The following ARL2BP variants were observed in gnomAD, a reference collection of about 807,000 sequenced individuals.
ARL2BP encodes the protein ADP-ribosylation factor-like protein 2-binding protein.
In ARL2BP, 19 loss-of-function variants were observed where a neutral mutation model predicts 24.2. The observed-to-expected ratio is 0.79, with a 90% CI of 0.55 to 1.15. The LOEUF (loss-of-function observed/expected upper bound fraction) is 1.15. ARL2BP is among the 50% of genes most tolerant of loss of function. ARL2BP has a pLI of 0.00. For synonymous variants in ARL2BP, 56 were observed against 70.5 expected, an observed-to-expected ratio of 0.79 and a Z score of 1.03; for missense variants, 160 against 190.4, an observed-to-expected ratio of 0.84 and a Z score of 0.94.
intron 2 of ARL2BP, among the ~76,000 whole-genome samples, chr16:57,246,550 C>T (rs905279960): frequency 6.6e-6 from 1 of 152,136 alleles, no homozygotes; most frequent in African/African-American, 2.4e-5. Flanking sequence ...CGCCTGTAAT[C>T]CCAGCACTTT....
At chr16:57,247,995 A>AC in intron 2 of ARL2BP, among the ~76,000 whole-genome samples, 1 of 152,214 alleles carries the variant, frequency 6.6e-6, no homozygotes, top group East Asian at 1.9e-4. Context: ...TGATAAAAAA[A>AC]AATTGTATAT....
intron 1 of ARL2BP, 122 bp from the exon 2 acceptor site, chr16:57,245,958 G>C (rs888020316): frequency 1.2e-5 from 10 of 860,276 alleles, no homozygotes; most frequent in South Asian, 3.0e-5. Flanking sequence ...CGTTGAAGAT[G>C]GGTGATGGGA....
rs1225583805 is a variant in ARL2BP, at chr16:57,248,333, A to AG, written c.101-204_101-203insG. The AG allele has an allele frequency of 1.7e-3, 407 of 236,540 alleles. 1 individual carries two copies. Among genetic ancestry groups the AG allele is most frequent in the African/African-American group, 8.7e-3 (358 of 41,312 alleles). The allele number at this position is 236,540 out of a possible 1,614,324, so 14.7% of individuals were successfully genotyped here. On this transcript the variant is annotated intron_variant, in intron 2 of 5. Transcript: ENST00000219204. ...GCTCAAAAAAAAAAAAAAAAAAAAA[A>AG]AAAGAAAGAAAGAAAAAGAAAACAG... is the stretch of plus-strand genomic sequence containing the variant.
At chr16:57,249,690 G>C in intron 3 of ARL2BP, 77 bp from the exon 4 acceptor site, 2 of 1,180,008 alleles carry the variant, frequency 1.7e-6, no homozygotes, top group Non-Finnish European at 2.5e-6. Context: ...TGTTTAGAAA[G>C]GGCTGGGCAG....
chr16:57,249,825 A>G lies in ARL2BP; in HGVS notation c.266A>G (p.Asn89Ser), dbSNP rs1273816365. Residue 89 changes from asparagine (N) to serine (S), a missense_variant, in exon 4 of 6, where the codon AAC (asparagine) becomes AGC (serine). By Grantham distance (46) the Asn-to-Ser change is conservative (BLOSUM62 1). Transcript: ENST00000219204. ...CTGCTGCAGCGGATTCCTGAGTTCA[A>G]CATGGCAGCCTTCACCACAACATTA... is the stretch of plus-strand genomic sequence containing the variant. ...EQLLQRIPEF[N>S]MAAFTTTLQH... 1.2e-6 allele frequency: 2 copies of G among 1,614,242 alleles called. No individual in the cohort carries two copies. Among genetic ancestry groups the G allele is most frequent in the Non-Finnish European group, 1.7e-6 (2 of 1,180,038 alleles).
Position 57,248,659 on chromosome 16 carries a change from T to C in ARL2BP, c.207+16T>C. On this transcript the variant is annotated intron_variant, in intron 3 of 5. Transcript: ENST00000219204. ...TAATGAATACGTAAGTAGATTTCTA[T>C]GTCTCCTACCAGGAGGTCAGAGTTT... 6.9e-7 allele frequency: 1 copy of C among 1,448,596 alleles called. No homozygotes were observed. Among genetic ancestry groups the C allele is most frequent in the Non-Finnish European group, 9.4e-7 (1 of 1,059,378 alleles). 89.7% of individuals were successfully genotyped at this position (1,448,596 alleles called of 1,614,324 possible). A position where few individuals can be genotyped will look rare whatever the true frequency, so the allele number is the denominator to read the frequency against.
intron 1 of ARL2BP, among the ~76,000 whole-genome samples, chr16:57,245,636 C>G (rs1345119678): frequency 6.6e-6 from 1 of 152,106 alleles, no homozygotes; most frequent in East Asian, 1.9e-4. Flanking sequence ...CACCGTTGAT[C>G]AGCGCCTCCA....
In ARL2BP at chr16:57,252,519, GTC is replaced by G; in HGVS notation, c.*253_*254del. 3.4e-6 allele frequency: 2 copies of G among 582,696 alleles called. No individual in the cohort carries two copies. Among genetic ancestry groups the G allele is most frequent in the Non-Finnish European group, 5.8e-6 (2 of 346,868 alleles). The allele number at this position is 582,696 out of a possible 1,614,324, so 36.1% of individuals were successfully genotyped here. ...AGACACCTCTCTCAGGAGCTTCTGA[GTC>G]AGACGCCTCTGGAGCGAGCCCTATG... is the stretch of plus-strand genomic sequence containing the variant. On this transcript the variant is annotated 3_prime_UTR_variant, in exon 6 of 6. Transcript: ENST00000219204.
Position 57,246,164 on chromosome 16 carries a change from T to G in ARL2BP, c.100+23T>G, listed in dbSNP as rs113676384. 24 of 1,603,882 alleles carry G rather than the reference T, an allele frequency of 1.5e-5. No homozygotes were observed. In the African/African-American group the frequency reaches 1.9e-4, roughly 13 times the overall value. On this transcript the variant is annotated intron_variant, in intron 2 of 5. Transcript: ENST00000219204. ...TGGGTAAGCTTTTAAGATACTGTTT[T>G]TAAGGACTTGCTTGTTTCTTTAAGG...
In ARL2BP at chr16:57,252,493, T is replaced by G; in HGVS notation, c.*226T>G. 1 of 704,334 alleles carries G rather than the reference T, an allele frequency of 1.4e-6. No homozygotes were observed. The highest frequency in any genetic ancestry group is 1.9e-5 in the South Asian group (1 of 53,174). The allele number at this position is 704,334 out of a possible 1,614,324, so 43.6% of individuals were successfully genotyped here. On this transcript the variant is annotated 3_prime_UTR_variant, in exon 6 of 6. Transcript: ENST00000219204. ...CCATAGTACTCCTCCCCACCTCAAG[T>G]AGACACCTCTCTCAGGAGCTTCTGA... is the stretch of plus-strand genomic sequence containing the variant.
At chr16:57,250,558 C>A in intron 5 of ARL2BP, 51 bp downstream of exon 5, 1 of 1,489,924 alleles carries the variant, frequency 6.7e-7, no homozygotes, top group Non-Finnish European at 9.4e-7. Flanking sequence ...TTAGAAAATT[C>A]CAGGTAGAAA....
rs1432511090 is a variant in ARL2BP, at chr16:57,252,429, G to A, written c.*162G>A. The stretch of plus-strand genomic sequence containing the variant: ...AAAACCAAAATGACCTAACCCTCCT[G>A]GACCTATTTATCCTGAAACACCTTC... On this transcript the variant is annotated 3_prime_UTR_variant, in exon 6 of 6. Coordinates refer to ENST00000219204, the MANE Select transcript of ARL2BP (RefSeq NM_012106.4). 1 of 1,339,342 alleles carries A rather than the reference G, an allele frequency of 7.5e-7. No homozygotes were observed. Among genetic ancestry groups the A allele is most frequent in the Admixed American group, 2.2e-5 (1 of 45,518 alleles). 83.0% of individuals were successfully genotyped at this position (1,339,342 alleles called of 1,614,324 possible).
At chr16:57,248,226 T>C (rs2075396097) in intron 2 of ARL2BP, 1 of 160,612 alleles carries the variant, frequency 6.2e-6, no homozygotes, top group Non-Finnish European at 1.3e-5. Flanking sequence ...GGCAGTAGAA[T>C]CTTTTGAACC....
chr16:57,250,512 G>C lies in ARL2BP; in HGVS notation c.390+5G>C. On this transcript the variant is annotated splice_donor_5th_base_variant and intron_variant, in intron 5 of 5. Coordinates refer to ENST00000219204, the MANE Select transcript of ARL2BP (RefSeq NM_012106.4). Reference sequence around the variant, plus strand: ...ATGTTTTTGGACTACAGAGCAGTAAGTTACTACTCCTATTTATTTAGCCAC... The same window carrying C: ...ATGTTTTTGGACTACAGAGCAGTAACTTACTACTCCTATTTATTTAGCCAC... 2 of 1,608,220 alleles carry C rather than the reference G, an allele frequency of 1.2e-6. No homozygotes were observed. The highest frequency in any genetic ancestry group is 2.2e-5 in the East Asian group (1 of 44,864).
intron 1 of ARL2BP, chr16:57,245,845 G>A: frequency 3.5e-6 from 2 of 578,500 alleles, no homozygotes; most frequent in Non-Finnish European, 6.1e-6. Context: ...TGGAGAACAA[G>A]TTTTTATTAA....
chr16:57,248,768 A>C, intron 3 of ARL2BP, 125 bp downstream of exon 3: 1 of 499,538 alleles, frequency 2.0e-6, no homozygotes, highest in East Asian at 3.5e-5. Flanking sequence ...AGGAATCCTC[A>C]TTAGCATCTG....
chr16:57,248,041 C>T (rs1480420975), intron 2 of ARL2BP, among the ~76,000 whole-genome samples: 3 of 151,850 alleles, frequency 2.0e-5, no homozygotes, highest in East Asian at 1.9e-4. Flanking sequence ...GGGCTGGGTG[C>T]GGTGGCTCAC....
At chr16:57,251,501 C>T (rs1436910276) in intron 5 of ARL2BP, 1 of 151,586 alleles carries the variant, frequency 6.6e-6, no homozygotes, top group Non-Finnish European at 1.5e-5. Flanking sequence ...ATCACTTGAG[C>T]CTAGGAGTTT....
intron 4 of ARL2BP, 145 bp from the exon 5 acceptor site, chr16:57,250,266 G>T: frequency 1.5e-6 from 1 of 683,410 alleles, no homozygotes; most frequent in South Asian, 1.8e-5. Flanking sequence ...CTCCTGCCTG[G>T]GTGACAGAGC....
Sources: gnomAD v4.1 joint callset for allele counts (sites outside exome capture counted in the v4.1 genomes callset) on GRCh38, gnomAD v4.1.1 for gene constraint, MANE v1.5 for transcripts, NCBI Gene and HGNC (gene_info 2026-07-23, HGNC 2026-07-21) for gene names.